EZR: variants seen among roughly 807,000 people sequenced by gnomAD.
EZR encodes the protein cytovillin 2.
Under a neutral mutation model 74.8 loss-of-function variants are expected in EZR, and 40 were observed. The observed-to-expected ratio is 0.53, with a 90% CI of 0.42 to 0.70. The LOEUF is 0.70. Among genes scored for constraint, EZR ranks in the 30% least tolerant of loss-of-function variants. EZR has a pLI of 0.00. For missense variants in EZR, 678 were observed against 755.8 expected (o/e 0.90, Z 1.21); for synonymous variants, 341 against 283.3 (o/e 1.20, Z -2.05).
chr6:158,799,880 A>G (rs1777154616), intron 2 of EZR, among the ~76,000 whole-genome samples: 1 of 152,234 alleles, frequency 6.6e-6, no homozygotes, highest in Admixed American at 6.5e-5. Context: ...TGAAAATATA[A>G]CTTTGTTTCC....
chr6:158,766,841 T>C lies in EZR; in HGVS notation c.*73A>G. On this transcript the variant is annotated 3_prime_UTR_variant, in exon 14 of 14. Coordinates refer to ENST00000367075, the MANE Select transcript of EZR (RefSeq NM_001111077.2). The stretch of plus-strand genomic sequence containing the variant: ...GAGGGAGTTCCTAGACTTGGAGCAC[T>C]AAAGACACAAGCGTGGCGGGGCTGG... 7.2e-7 allele frequency: 1 copy of C among 1,391,486 alleles called. No homozygotes were observed. Among genetic ancestry groups the C allele is most frequent in the Non-Finnish European group, 9.9e-7 (1 of 1,006,846 alleles). The allele number at this position is 1,391,486 out of a possible 1,614,324, so 86.2% of individuals were successfully genotyped here.
At chr6:158,767,237 G>A (rs1790910954) in intron 13 of EZR, 24 bp downstream of exon 13, 1 of 1,600,078 alleles carries the variant, frequency 6.2e-7, no homozygotes. Flanking sequence ...AGGCTCCCTG[G>A]AGACAGAGCC....
rs758788065 is a variant in EZR at position 158,785,308 on chromosome 6, C to A, written c.467+1G>T. Reference sequence around the variant, plus strand: ...CCCAGGCCGGGTCATCCTGTGCTCACCTTTGAGGGATCAGCCGCTCAGAGC... The same window carrying A: ...CCCAGGCCGGGTCATCCTGTGCTCAACTTTGAGGGATCAGCCGCTCAGAGC... On this transcript the variant is annotated splice_donor_variant, in intron 5 of 13. Coordinates refer to ENST00000367075, the MANE Select transcript of EZR (RefSeq NM_001111077.2). LOFTEE classifies it high-confidence loss of function. 6.2e-7 allele frequency: 1 copy of A among 1,613,622 alleles called. No individual in the cohort carries two copies. Among genetic ancestry groups the A allele is most frequent in the African/African-American group, 1.3e-5 (1 of 74,938 alleles).
chr6:158,806,564 T>TAA (rs375547734), intron 2 of EZR, among the ~76,000 whole-genome samples: 38 of 145,074 alleles, frequency 2.6e-4, no homozygotes, highest in African/African-American at 8.6e-4. Flanking sequence ...TCTAAAGCAC[T>TAA]AAAAAAAAAA....
At position 158,785,375 on chromosome 6, in the gene EZR, A is replaced by T; in HGVS notation, c.401T>A (p.Phe134Tyr). The T allele has an allele frequency of 6.2e-7, 1 of 1,614,136 alleles. No individual in the cohort carries two copies. Residue 134 changes from phenylalanine (F) to tyrosine (Y), a missense_variant, in exon 5 of 14, where the codon TTT (phenylalanine) becomes TAT (tyrosine). By Grantham distance (22) the Phe-to-Tyr change is conservative. Around this residue, in one of 3 missense-constraint regions of EZR, gnomAD observed 217 missense variants for 232.2 expected, o/e 0.93. Transcript: ENST00000367075. Reference sequence around the variant, plus strand: ...GTGCACTTCTTTGTTGTAGTCCCCAAACTTGGCCTGCACAGCGTAGGACCC... The same window carrying T: ...GTGCACTTCTTTGTTGTAGTCCCCATACTTGGCCTGCACAGCGTAGGACCC... ...LLGSYAVQAK[F>Y]GDYNKEVHKS...
intron 2 of EZR, among the ~76,000 whole-genome samples, chr6:158,810,455 T>C (rs3123132): frequency 0.56 from 85,017 of 152,026 alleles, 24,775 homozygotes; most frequent in Non-Finnish European, 0.65. Context: ...ATTGCTTACA[T>C]ATCTGCTTTC....
chr6:158,775,795 A>G (rs1791260519), intron 8 of EZR, among the ~76,000 whole-genome samples: 1 of 152,224 alleles, frequency 6.6e-6, no homozygotes, highest in South Asian at 2.1e-4. Flanking sequence ...AATAAATAAA[A>G]CCAAATTTAC....
intron 7 of EZR, among the ~76,000 whole-genome samples, chr6:158,777,669 A>G (rs1791316527): frequency 6.6e-6 from 1 of 152,176 alleles, no homozygotes; most frequent in Admixed American, 6.5e-5. Context: ...CAGCTTCAAT[A>G]CTGATGAGCA....
At position 158,792,607 on chromosome 6, in the gene EZR, CAGG is replaced by C. The variant is rs1367389000; in HGVS notation, c.13-3239_13-3237del. On this transcript the variant is annotated intron_variant, in intron 2 of 13. Transcript: ENST00000367075. ...GGCCGAGGAGGGCAGATCACGAGGT[CAGG>C]AGATGGAGATCATCCTGGCTAACAC... is the stretch of plus-strand genomic sequence containing the variant. Among the ~76,000 whole-genome samples the C allele has an allele frequency of 3.9e-5, 6 of 152,012 alleles. No individual in the cohort carries two copies. In the East Asian group the frequency reaches 5.8e-4, roughly 15 times the overall value.
chr6:158,786,445 C>A (rs1397649539), intron 4 of EZR, among the ~76,000 whole-genome samples: 2 of 152,200 alleles, frequency 1.3e-5, no homozygotes, highest in Non-Finnish European at 2.9e-5. Flanking sequence ...AAGCTACTGC[C>A]TCACTAAGCC....
intron 3 of EZR, 35 bp from the exon 4 acceptor site, chr6:158,787,238 G>C (rs755235293): frequency 6.4e-6 from 10 of 1,572,256 alleles, no homozygotes; most frequent in African/African-American, 2.7e-5. Context: ...ACACTCATGA[G>C]AAACTCACTC....
At chr6:158,794,212 C>T (rs757109488) in intron 2 of EZR, among the ~76,000 whole-genome samples, 6 of 152,120 alleles carry the variant, frequency 3.9e-5, no homozygotes, top group Non-Finnish European at 8.8e-5. Context: ...ACCTGGGAGG[C>T]GGAGCTTGCA....
rs183791367 is a variant in EZR, at chr6:158,775,135, C to T, written c.795+1273G>A. Among the ~76,000 whole-genome samples, 29 of 147,134 alleles carry T rather than the reference C, an allele frequency of 2.0e-4. No homozygotes were observed. The East Asian group carries it at 4.8e-3, about 24-fold the overall frequency. On this transcript the variant is annotated intron_variant, in intron 8 of 13. Transcript: ENST00000367075. The stretch of plus-strand genomic sequence containing the variant: ...GCAACCTCTGCTTCCTGGGTTCAAG[C>T]GATTCTCCTGCCTCAGCCTCCCGAG...
chr6:158,774,196 T>C (rs1190137941), intron 8 of EZR, among the ~76,000 whole-genome samples: 1 of 152,146 alleles, frequency 6.6e-6, no homozygotes, highest in Non-Finnish European at 1.5e-5. Flanking sequence ...GCCCAAAGTT[T>C]ACAGACTGAG....
intron 7 of EZR, among the ~76,000 whole-genome samples, chr6:158,777,501 A>C (rs1050334500): frequency 3.9e-5 from 6 of 152,240 alleles, no homozygotes; most frequent in African/African-American, 1.4e-4. Context: ...CTATTCTTCC[A>C]ACACATTTTA....
chr6:158,793,977 A>G (rs1298433591), intron 2 of EZR, among the ~76,000 whole-genome samples: 4 of 152,038 alleles, frequency 2.6e-5, no homozygotes, highest in Non-Finnish European at 5.9e-5. Context: ...GGGCTTGGGG[A>G]AAAAAAACAG....
At chr6:158,787,594 C>T (rs1054934585) in intron 3 of EZR, among the ~76,000 whole-genome samples, 52 of 152,254 alleles carry the variant, frequency 3.4e-4, no homozygotes, top group African/African-American at 1.1e-3. Context: ...GCATCGCTGC[C>T]GGTCAGGTGT....
At chr6:158,784,519 G>T (rs1002512765) in intron 6 of EZR, 125 bp downstream of exon 6, 3 of 764,092 alleles carry the variant, frequency 3.9e-6, no homozygotes, top group South Asian at 2.1e-5. Context: ...CTTTTAACTC[G>T]GTTCCCTCAA....
At chr6:158,780,481 G>C (rs11963430) in intron 7 of EZR, among the ~76,000 whole-genome samples, 1 of 152,170 alleles carries the variant, frequency 6.6e-6, no homozygotes, top group Non-Finnish European at 1.5e-5. Context: ...CATACGGAAA[G>C]AGACGTGAGA....
Sources: gnomAD v4.1 joint callset for allele counts (sites outside exome capture counted in the v4.1 genomes callset) on GRCh38, gnomAD v4.1.1 for gene constraint, gnomAD v4.1.1 regional missense constraint, MANE v1.5 for transcripts, NCBI Gene and HGNC (gene_info 2026-07-23, HGNC 2026-07-21) for gene names.